The following MIGA1 variants were observed in gnomAD, a reference collection of about 807,000 sequenced individuals.
MIGA1 encodes the protein family with sequence similarity 73, member A.
A neutral mutation model predicts 82.0 loss-of-function variants in MIGA1; 58 were observed. That is an observed-to-expected ratio of 0.71 (90% CI 0.57 to 0.88). MIGA1 has a LOEUF of 0.88. Ranked by LOEUF, MIGA1 falls within the 40% of genes least tolerant of loss-of-function variation. The pLI is 0.00. For missense variants in MIGA1, 751 were observed against 749.1 expected (o/e 1.00, Z -0.03); for synonymous variants, 249 against 253.6 (o/e 0.98, Z 0.17).
chr1:77,780,888 CATA>C (rs770514019), intron 1 of MIGA1, among the ~76,000 whole-genome samples: 42 of 149,354 alleles, frequency 2.8e-4, no homozygotes, highest in Admixed American at 2.2e-3. Flanking sequence ...AGAGGTTTGT[CATA>C]ATATTTTTTC....
intron 6 of MIGA1, among the ~76,000 whole-genome samples, chr1:77,814,120 C>A (rs563029460): frequency 6.6e-6 from 1 of 152,284 alleles, no homozygotes; most frequent in East Asian, 1.9e-4. Flanking sequence ...AACTCCTGGC[C>A]TCAGGCAGCA....
At chr1:77,844,173 T>G (rs1684751064) in intron 8 of MIGA1, among the ~76,000 whole-genome samples, 1 of 147,548 alleles carries the variant, frequency 6.8e-6, no homozygotes, top group African/African-American at 2.5e-5. Context: ...GATATAGATA[T>G]ATATGTATAT....
At chr1:77,864,071 A>G (rs1465136964) in intron 13 of MIGA1, 43 bp downstream of exon 13, 1 of 1,590,842 alleles carries the variant, frequency 6.3e-7, no homozygotes, top group South Asian at 1.2e-5. Context: ...AGTTTGATTA[A>G]AAAGTGAGGC....
At chr1:77,873,461 A>C (rs1375816827) in intron 15 of MIGA1, among the ~76,000 whole-genome samples, 1 of 152,200 alleles carries the variant, frequency 6.6e-6, no homozygotes, top group South Asian at 2.1e-4. Flanking sequence ...TTGGTTTTTC[A>C]TACCTGGGCA....
intron 8 of MIGA1, chr1:77,848,338 G>A (rs1407699522): frequency 4.8e-6 from 6 of 1,252,820 alleles, no homozygotes; most frequent in East Asian, 2.5e-5. Context: ...GATCAGAACC[G>A]ACACAGTGAG....
intron 13 of MIGA1, among the ~76,000 whole-genome samples, chr1:77,864,638 T>C (rs1407050519): frequency 6.6e-6 from 1 of 152,230 alleles, no homozygotes; most frequent in Non-Finnish European, 1.5e-5. Flanking sequence ...ATCGTGCCGC[T>C]GCACTCCAGC....
At chr1:77,802,100 A>G (rs145962200) in intron 3 of MIGA1, among the ~76,000 whole-genome samples, 138 of 152,280 alleles carry the variant, frequency 9.1e-4, no homozygotes, top group African/African-American at 3.2e-3. Context: ...TTTGGTAAAG[A>G]TATCGTATGA....
intron 8 of MIGA1, among the ~76,000 whole-genome samples, chr1:77,854,169 T>G (rs1685160795): frequency 1.3e-5 from 2 of 152,210 alleles, no homozygotes; most frequent in Non-Finnish European, 2.9e-5. Flanking sequence ...GTTACTTCAC[T>G]TAGAATAATA....
At chr1:77,812,119 G>T (rs1018418074) in intron 5 of MIGA1, among the ~76,000 whole-genome samples, 6 of 152,056 alleles carry the variant, frequency 3.9e-5, no homozygotes, top group African/African-American at 1.5e-4. Context: ...TTTGAGACCA[G>T]CCTAGGTAAC....
At chr1:77,852,310 C>T (rs918180594) in intron 8 of MIGA1, among the ~76,000 whole-genome samples, 7 of 152,120 alleles carry the variant, frequency 4.6e-5, no homozygotes, top group African/African-American at 1.7e-4. Flanking sequence ...AAAGAATTTT[C>T]ATTCTAAGTT....
chr1:77,791,559 GTTTTTTTT>G (rs71075763), intron 2 of MIGA1, among the ~76,000 whole-genome samples: 1 of 124,706 alleles, frequency 8.0e-6, no homozygotes, highest in South Asian at 2.6e-4. Context: ...AGATATTTAA[GTTTTTTTT>G]TTTTTTTTTT....
intron 1 of MIGA1, 69 bp downstream of exon 1, chr1:77,779,805 A>G: frequency 6.7e-7 from 1 of 1,491,694 alleles, no homozygotes; most frequent in Non-Finnish European, 8.9e-7. Flanking sequence ...GCGGCCACGC[A>G]GTTGGGGCAG....
chr1:77,806,236 A>G (rs1451318165), intron 4 of MIGA1, among the ~76,000 whole-genome samples: 2 of 152,168 alleles, frequency 1.3e-5, no homozygotes, highest in African/African-American at 2.4e-5. Flanking sequence ...TTGAAACACA[A>G]TGGTATTTGT....
Position 77,876,025 on chromosome 1 carries a change from C to G in MIGA1, c.*961C>G, listed in dbSNP as rs549792328. 1 of 152,060 alleles carries G rather than the reference C, an allele frequency of 6.6e-6. No homozygotes were observed. The highest frequency in any genetic ancestry group is 2.4e-5 in the African/African-American group (1 of 41,284). 9.4% of individuals were successfully genotyped at this position (152,060 alleles called of 1,614,324 possible). A position where few individuals can be genotyped will look rare whatever the true frequency, so the allele number is the denominator to read the frequency against. On this transcript the variant is annotated 3_prime_UTR_variant, in exon 16 of 16. Coordinates refer to ENST00000370791, the MANE Select transcript of MIGA1 (RefSeq NM_198549.4). ...GCGGGCGCCTGTAGTCCCAGCTACT[C>G]GGGAGGCTGACACAGGAGTATTGCT...
chr1:77,851,428 C>T (rs933530735), intron 8 of MIGA1, among the ~76,000 whole-genome samples: 20 of 151,902 alleles, frequency 1.3e-4, no homozygotes, highest in African/African-American at 4.4e-4. Flanking sequence ...CCTTATTGAC[C>T]GCTGCTTCTG....
intron 7 of MIGA1, among the ~76,000 whole-genome samples, chr1:77,831,013 C>T (rs1160286209): frequency 2.6e-5 from 4 of 152,156 alleles, no homozygotes; most frequent in Non-Finnish European, 5.9e-5. Context: ...CAATACCGAG[C>T]AATTAGACTC....
At chr1:77,813,642 C>T in intron 5 of MIGA1, 92 bp from the exon 6 acceptor site, 1 of 1,303,892 alleles carries the variant, frequency 7.7e-7, no homozygotes. Context: ...ACTGTGACAT[C>T]AGTGATAATG....
chr1:77,783,075 C>T (rs761923819), intron 1 of MIGA1, among the ~76,000 whole-genome samples, 163 bp from the exon 2 acceptor site: 7 of 150,370 alleles, frequency 4.7e-5, no homozygotes, highest in South Asian at 2.1e-4. Flanking sequence ...GTTTCTTTTA[C>T]GCGTTTGGTG....
chr1:77,873,058 G>C lies in MIGA1; in HGVS notation c.1618G>C (p.Val540Leu), dbSNP rs1301963527. The change falls in exon 15 of 16, where the codon GTC (valine) becomes CTC (leucine). Residue 540 changes from valine (V) to leucine (L), a missense_variant. Around this residue, in one of 3 missense-constraint regions of MIGA1, gnomAD observed 265 missense variants for 293.6 expected, o/e 0.90. Coordinates refer to ENST00000370791, the MANE Select transcript of MIGA1 (RefSeq NM_198549.4). The stretch of plus-strand genomic sequence containing the variant: ...TGCCATTTGTGAACACATCAGTCCT[G>C]TCCTAGCCTGGGGCTTTTTGGGTCC... 6.2e-7 allele frequency: 1 copy of C among 1,613,842 alleles called. No individual in the cohort carries two copies.
Sources: gnomAD v4.1 joint callset for allele counts (sites outside exome capture counted in the v4.1 genomes callset) on GRCh38, gnomAD v4.1.1 for gene constraint, gnomAD v4.1.1 regional missense constraint, MANE v1.5 for transcripts, NCBI Gene and HGNC (gene_info 2026-07-23, HGNC 2026-07-21) for gene names.